Variants in HELB observed in about 807,000 individuals in gnomAD.
HELB encodes DNA helicase B, also known as DNA 5'-3' helicase B.
Under a neutral mutation model 101.7 loss-of-function variants are expected in HELB, and 96 were observed. The ratio of observed to expected loss-of-function variants is 0.94; its 90% CI spans 0.80 to 1.12. HELB has a LOEUF of 1.12. HELB is among the 50% of genes most tolerant of loss of function. The pLI, the probability that HELB is intolerant of heterozygous loss-of-function variation, is 0.00. For synonymous variants in HELB, 437 were observed against 459.7 expected, an observed-to-expected ratio of 0.95 and a Z score of 0.63; for missense variants, 1,210 against 1,291.9, an observed-to-expected ratio of 0.94 and a Z score of 0.97.
chr12:66,327,066 A>AAAAAT (rs2053749764), intron 11 of HELB, among the ~76,000 whole-genome samples: 9 of 46,802 alleles, frequency 1.9e-4, no homozygotes, highest in Non-Finnish European at 2.3e-4. Flanking sequence ...AAAAAAAAAA[A>AAAAAT]ATATATATAT....
intron 4 of HELB, among the ~76,000 whole-genome samples, chr12:66,311,672 AT>A (rs1335555753): frequency 3.9e-5 from 6 of 152,214 alleles, no homozygotes; most frequent in Non-Finnish European, 8.8e-5. Flanking sequence ...ATAAGTCTTT[AT>A]TTCTTCCACC....
At chr12:66,330,126 G>A (rs2053788364) in intron 11 of HELB, among the ~76,000 whole-genome samples, 1 of 152,264 alleles carries the variant, frequency 6.6e-6, no homozygotes, top group East Asian at 1.9e-4. Context: ...AGAGCAATGG[G>A]GGAGATAATG....
intron 8 of HELB, among the ~76,000 whole-genome samples, 154 bp from the exon 9 acceptor site, chr12:66,322,565 CAAAAA>C (rs58441074): frequency 2.2e-4 from 27 of 125,552 alleles, no homozygotes; most frequent in African/African-American, 3.0e-4. Flanking sequence ...GACGCTGTCT[CAAAAA>C]AAAAAAAAAA....
chr12:66,342,991 C>T (rs1168301), downstream of HELB: 64,513 of 152,042 alleles, frequency 0.42, 14,147 homozygotes, highest in East Asian at 0.52. Flanking sequence ...CCACTGCGCC[C>T]GGCCCATATG....
chr12:66,340,064 ATGC>A (rs1376602768), downstream of HELB: 6 of 152,228 alleles, frequency 3.9e-5, no homozygotes, highest in Admixed American at 6.5e-5. Context: ...CTATTATGAA[ATGC>A]TGCTATGAAC....
chr12:66,320,882 A>G (rs763446341), intron 7 of HELB, among the ~76,000 whole-genome samples: 1 of 152,238 alleles, frequency 6.6e-6, no homozygotes, highest in East Asian at 1.9e-4. Context: ...AATCAATAAA[A>G]TACGTTGTAC....
chr12:66,339,140 C>T (rs535642116), downstream of HELB: 14 of 152,242 alleles, frequency 9.2e-5, no homozygotes, highest in Admixed American at 5.9e-4. Flanking sequence ...TCCTCACCAA[C>T]GTCTGATTGC....
chr12:66,332,965 T>C (rs1433606687), intron 12 of HELB, among the ~76,000 whole-genome samples: 1 of 152,132 alleles, frequency 6.6e-6, no homozygotes, highest in African/African-American at 2.4e-5. Flanking sequence ...TTTTTCATCC[T>C]CCTTTTGACT....
intron 1 of HELB, among the ~76,000 whole-genome samples, chr12:66,303,465 C>T (rs1195338526): frequency 2.0e-5 from 3 of 151,784 alleles, no homozygotes; most frequent in Non-Finnish European, 4.4e-5. Context: ...ACAACAACAA[C>T]AACAACAAAA....
At chr12:66,316,301 C>T (rs2053604419) in intron 6 of HELB, among the ~76,000 whole-genome samples, 2 of 152,164 alleles carry the variant, frequency 1.3e-5, no homozygotes, top group South Asian at 4.1e-4. Flanking sequence ...AAACATATCC[C>T]TATCATTAAT....
intron 9 of HELB, among the ~76,000 whole-genome samples, chr12:66,323,614 A>T (rs986373881): frequency 6.6e-6 from 1 of 152,176 alleles, no homozygotes; most frequent in African/African-American, 2.4e-5. Flanking sequence ...TAAGACCTCA[A>T]ATAAGGTAAT....
rs1280398825 is a variant in HELB at position 66,302,765 on chromosome 12, T to A, written c.162T>A (p.Ala54=). ...AGCTCTGCAGTGGGGGCGTAAAGGC[T>A]GGCAGCCTCCCCGGGTGCCTCCGCG... The part of the protein sequence containing the change: ...AEELCSGGVK[A]GSLPGCLRVS... Residue 54 remains alanine (A), a synonymous_variant, in exon 1 of 13, where the codon GCT becomes GCA. Transcript: ENST00000247815. 6.2e-7 allele frequency: 1 copy of A among 1,612,604 alleles called. No individual in the cohort carries two copies. Among genetic ancestry groups the A allele is most frequent in the Non-Finnish European group, 8.5e-7 (1 of 1,178,932 alleles).
At chr12:66,312,808 A>T (rs1232595299) in intron 4 of HELB, among the ~76,000 whole-genome samples, 1 of 152,226 alleles carries the variant, frequency 6.6e-6, no homozygotes, top group East Asian at 1.9e-4. Context: ...ATTTTTTAGT[A>T]TAAGTTTGTA....
rs867716279 is a variant in HELB at position 66,304,854 on chromosome 12, A to G, written c.311A>G (p.Tyr104Cys). Residue 104 changes from tyrosine (Y) to cysteine (C), a missense_variant, in exon 2 of 13, where the codon TAT (tyrosine) becomes TGT (cysteine). Around this residue, in one of 2 missense-constraint regions of HELB, gnomAD observed 470 missense variants for 563.1 expected, o/e 0.83. Coordinates refer to ENST00000247815, the MANE Select transcript of HELB (RefSeq NM_001370285.1). ...KPVVGSRSYQ[Y>C]QVQGFPSYFL... ...GTGGTGGGATCAAGGAGCTATCAAT[A>G]TCAAGTTCAAGGATTTCCGTCTTAC... The G allele has an allele frequency of 1.9e-6, 3 of 1,614,174 alleles. No individual in the cohort carries two copies. The highest frequency in any genetic ancestry group is 2.7e-5 in the African/African-American group (2 of 75,046).
chr12:66,329,944 G>T (rs907733549), intron 11 of HELB, among the ~76,000 whole-genome samples: 1 of 152,118 alleles, frequency 6.6e-6, no homozygotes, highest in Non-Finnish European at 1.5e-5. Flanking sequence ...AGCAACATCG[G>T]AAAGATGTAT....
intron 2 of HELB, 100 bp from the exon 3 acceptor site, chr12:66,306,245 G>A (rs1333067089): frequency 2.4e-6 from 2 of 849,362 alleles, no homozygotes; most frequent in Non-Finnish European, 1.7e-6. Flanking sequence ...TTTTTGACTT[G>A]GGTTTCTTGA....
chr12:66,324,031 T>C lies in HELB; in HGVS notation c.2346T>C (p.Cys782=), dbSNP rs764960947. 2 of 1,613,616 alleles carry C rather than the reference T, an allele frequency of 1.2e-6. No homozygotes were observed. Among genetic ancestry groups the C allele is most frequent in the Non-Finnish European group, 1.7e-6 (2 of 1,179,658 alleles). ...TTGGAATTGGTGATAAAATTTGTTG[T>C]ACCAGGAATGCATACCTCTCAGACT... is the stretch of plus-strand genomic sequence containing the variant. The part of the protein sequence containing the change: ...LVFGIGDKIC[C]TRNAYLSDLL... The change falls in exon 10 of 13, where the codon TGT becomes TGC. Residue 782 remains cysteine (C), a synonymous_variant. Transcript: ENST00000247815.
chr12:66,340,128 T>C (rs1230370925), downstream of HELB: 2 of 152,214 alleles, frequency 1.3e-5, no homozygotes, highest in Non-Finnish European at 2.9e-5. Flanking sequence ...CTTTTGGGTA[T>C]ATAACTAGGA....
Position 66,331,486 on chromosome 12 carries a change from C to T in HELB, c.3003C>T (p.Ser1001=), listed in dbSNP as rs149273898. The change falls in exon 12 of 13, where the codon AGC becomes AGT. Residue 1001 remains serine (S), a synonymous_variant. Coordinates refer to ENST00000247815, the MANE Select transcript of HELB (RefSeq NM_001370285.1). The stretch of plus-strand genomic sequence containing the variant: ...CCATGACAAATGATGTCACCTGGAG[C>T]GAGGCCTCTTCGCCTGATGAGAGGA... ...DHAMTNDVTW[S]EASSPDERTL... The T allele has an allele frequency of 3.1e-4, 508 of 1,614,128 alleles. 5 individuals carry two copies. The African/African-American group carries it at 5.7e-3, about 18-fold the overall frequency.
Sources: gnomAD v4.1 joint callset for allele counts (sites outside exome capture counted in the v4.1 genomes callset) on GRCh38, gnomAD v4.1.1 for gene constraint, gnomAD v4.1.1 regional missense constraint, MANE v1.5 for transcripts, NCBI Gene and HGNC (gene_info 2026-07-23, HGNC 2026-07-21) for gene names.